The following NEK6 variants were observed in gnomAD, a reference collection of about 807,000 sequenced individuals.
NEK6 encodes NIMA related kinase 6.
In NEK6, 27 loss-of-function variants were observed where a neutral mutation model predicts 43.5. The ratio of observed to expected loss-of-function variants is 0.62; its 90% CI spans 0.46 to 0.86. The LOEUF is 0.86. Among genes scored for constraint, NEK6 ranks in the 40% least tolerant of loss-of-function variants. The probability of loss-of-function intolerance (pLI) is 0.00; values close to 1 mark genes in which losing one functional copy is unlikely to be tolerated. For synonymous variants in NEK6, 167 were observed against 164.1 expected (o/e 1.02, Z -0.14); for missense variants, 318 against 414.4 (o/e 0.77, Z 2.02).
At chr9:124,300,963 CAG>C (rs56283005) in intron 1 of NEK6, among the ~76,000 whole-genome samples, 20,548 of 152,192 alleles carry the variant, frequency 0.14, 1,406 homozygotes, top group African/African-American at 0.17. Flanking sequence ...CAGCCAGAAA[CAG>C]GGGCCCCATC....
rs1215755600 is a variant in NEK6 at position 124,312,791 on chromosome 9, C to T, written c.231+142C>T. The T allele has an allele frequency of 3.6e-6, 3 of 825,876 alleles. No homozygotes were observed. In the Admixed American group the frequency reaches 9.1e-5, roughly 25 times the overall value. The allele number at this position is 825,876 out of a possible 1,614,324, so 51.2% of individuals were successfully genotyped here. A position where few individuals can be genotyped will look rare whatever the true frequency, so the allele number is the denominator to read the frequency against. ...TCAACTCACTGGGTTACAGAGAGAA[C>T]CAGGTGGACTCCTATTGATGAAAGT... On this transcript the variant is annotated intron_variant, in intron 3 of 9. Coordinates refer to ENST00000320246, the MANE Select transcript of NEK6 (RefSeq NM_014397.6).
In NEK6 at chr9:124,340,928, C is replaced by G. The variant is rs560288938; in HGVS notation, c.717+1263C>G. 4.6e-5 allele frequency among the ~76,000 whole-genome samples: 7 copies of G among 152,374 alleles called. No individual in the cohort carries two copies. The South Asian group carries it at 8.3e-4, about 18-fold the overall frequency. On this transcript the variant is annotated intron_variant, in intron 8 of 9. Coordinates refer to ENST00000320246, the MANE Select transcript of NEK6 (RefSeq NM_014397.6). ...TGGGACCCGCGGCCGCTCTCGTGGCCAGGGGGTCTTGTGGCCAGGGTCTTT... is the reference window on the plus strand; with the variant it reads ...TGGGACCCGCGGCCGCTCTCGTGGCGAGGGGGTCTTGTGGCCAGGGTCTTT...
chr9:124,353,255 A>C lies in NEK6; in HGVS notation c.*2308A>C. The C allele has an allele frequency of 7.8e-6, 2 of 256,914 alleles. No individual in the cohort carries two copies. Among genetic ancestry groups the C allele is most frequent in the Non-Finnish European group, 1.5e-5 (2 of 136,184 alleles). 15.9% of individuals were successfully genotyped at this position (256,914 alleles called of 1,614,324 possible). On this transcript the variant is annotated 3_prime_UTR_variant, in exon 10 of 10. Coordinates refer to ENST00000320246, the MANE Select transcript of NEK6 (RefSeq NM_014397.6). ...AACAAATTCAGCCAGCAAAAAGGGT[A>C]GGTATCGATGGTCACCTGAAGCCTC...
chr9:124,338,645 T>C (rs1564658678), intron 7 of NEK6, among the ~76,000 whole-genome samples: 1 of 152,268 alleles, frequency 6.6e-6, no homozygotes, highest in Non-Finnish European at 1.5e-5. Context: ...CTGGACCGGC[T>C]AATTGGCGGG....
rs1323772007 is a variant in NEK6 at position 124,275,488 on chromosome 9, A to G, written c.-30+17403A>G. ...CGCCTGCCGGGCCCTGTCCTCTGCCAGGCGGAGCTCCTGGTTCTCTGGGTC... is the reference window on the plus strand; with the variant it reads ...CGCCTGCCGGGCCCTGTCCTCTGCCGGGCGGAGCTCCTGGTTCTCTGGGTC... On this transcript the variant is annotated intron_variant, in intron 1 of 9. Coordinates refer to ENST00000320246, the MANE Select transcript of NEK6 (RefSeq NM_014397.6). This position sits in a 1 kb window ranked among gnomAD's most constrained non-coding sequence, Gnocchi z 4.4. Among the ~76,000 whole-genome samples, 1 of 152,208 alleles carries G rather than the reference A, an allele frequency of 6.6e-6. No homozygotes were observed. Among genetic ancestry groups the G allele is most frequent in the Admixed American group, 6.5e-5 (1 of 15,284 alleles).
intron 1 of NEK6, among the ~76,000 whole-genome samples, chr9:124,290,872 T>C (rs1832385492): frequency 6.6e-6 from 1 of 152,216 alleles, no homozygotes; most frequent in Non-Finnish European, 1.5e-5. Context: ...CCTGAGCAGC[T>C]TCGTGCTCTT....
At chr9:124,261,083 G>C (rs1831012262) in intron 1 of NEK6, 1 of 152,242 alleles carries the variant, frequency 6.6e-6, no homozygotes, top group African/African-American at 2.4e-5. Flanking sequence ...TCTGATTCCA[G>C]AGTTCCTCAC....
chr9:124,317,034 T>G (rs929553970), intron 4 of NEK6, among the ~76,000 whole-genome samples: 5 of 152,144 alleles, frequency 3.3e-5, no homozygotes, highest in Admixed American at 3.3e-4. Flanking sequence ...AGGAGCAGGG[T>G]GTTCCCATTT....
intron 4 of NEK6, 81 bp downstream of exon 4, chr9:124,314,066 C>A: frequency 7.8e-7 from 1 of 1,286,492 alleles, no homozygotes. Context: ...ATGTCCATCA[C>A]AGCCCTTGGG....
intron 7 of NEK6, among the ~76,000 whole-genome samples, chr9:124,335,639 A>G (rs1829252362): frequency 1.3e-5 from 2 of 152,236 alleles, no homozygotes; most frequent in Admixed American, 1.3e-4. Context: ...GGACTCATTC[A>G]TCCAGTGAGC....
At chr9:124,307,447 C>T (rs770692983) in intron 2 of NEK6, among the ~76,000 whole-genome samples, 5 of 152,196 alleles carry the variant, frequency 3.3e-5, no homozygotes, top group Non-Finnish European at 7.4e-5. Flanking sequence ...CTGCTGCTCC[C>T]CAGGGCCCTT....
chr9:124,276,246 C>T (rs1831646056), intron 1 of NEK6, among the ~76,000 whole-genome samples: 1 of 152,110 alleles, frequency 6.6e-6, no homozygotes, highest in Non-Finnish European at 1.5e-5. Flanking sequence ...AAGAAATGCT[C>T]CCCAGGGGCT....
intron 1 of NEK6, among the ~76,000 whole-genome samples, chr9:124,295,594 C>A (rs1010267148): frequency 1.3e-5 from 2 of 152,230 alleles, no homozygotes; most frequent in Admixed American, 6.5e-5. Context: ...ACCCGTCACT[C>A]AACCTGTCTG....
chr9:124,280,513 C>T (rs908950993), intron 1 of NEK6, among the ~76,000 whole-genome samples: 2 of 152,232 alleles, frequency 1.3e-5, no homozygotes, highest in Non-Finnish European at 2.9e-5. Context: ...ACATTCCTCA[C>T]GCTCATGCGA....
chr9:124,268,423 C>T (rs1199265340), intron 1 of NEK6, among the ~76,000 whole-genome samples: 1 of 152,222 alleles, frequency 6.6e-6, no homozygotes, highest in East Asian at 1.9e-4. Flanking sequence ...TGTGTGCCAG[C>T]CCATAGGGTG....
intron 1 of NEK6, chr9:124,292,579 G>C: frequency 6.5e-7 from 1 of 1,536,422 alleles, no homozygotes; most frequent in Non-Finnish European, 8.7e-7. Flanking sequence ...CAGCCCCCGG[G>C]GCTGTTCCAC....
At chr9:124,279,583 G>A (rs776446595) in intron 1 of NEK6, among the ~76,000 whole-genome samples, 2 of 152,182 alleles carry the variant, frequency 1.3e-5, no homozygotes, top group African/African-American at 2.4e-5. Flanking sequence ...GATTACATGC[G>A]TGAGCCACGC....
intron 1 of NEK6, chr9:124,259,373 G>A (rs1830935779): frequency 1.3e-5 from 2 of 151,854 alleles, no homozygotes; most frequent in Non-Finnish European, 2.9e-5. Context: ...AATGGAAGAA[G>A]AATTTCATTG....
chr9:124,282,327 T>G (rs1831949925), intron 1 of NEK6, among the ~76,000 whole-genome samples: 1 of 152,224 alleles, frequency 6.6e-6, no homozygotes, highest in Non-Finnish European at 1.5e-5. Context: ...CACATGGCCT[T>G]CTTCCTTGTG....
Sources: allele counts gnomAD v4.1 joint callset (sites outside exome capture counted in the v4.1 genomes callset), GRCh38; gene constraint gnomAD v4.1.1; non-coding constraint Gnocchi (gnomAD v3.1); transcripts MANE v1.5; gene names NCBI Gene and HGNC (gene_info 2026-07-23, HGNC 2026-07-21).